FGF10: variants seen among roughly 807,000 people sequenced by gnomAD.
FGF10 encodes fibroblast growth factor 10.
FGF10 carries 2 observed loss-of-function variants against 19.8 expected under a neutral mutation model. The observed-to-expected ratio is 0.10, with a 90% CI of 0.04 to 0.32. The LOEUF (loss-of-function observed/expected upper bound fraction) is 0.32. Ranked by LOEUF, FGF10 falls within the 10% of genes least tolerant of loss-of-function variation. FGF10 has a pLI of 1.00. For missense variants in FGF10, 191 were observed against 246.3 expected (o/e 0.78, Z 1.50); for synonymous variants, 112 against 94.0 (o/e 1.19, Z -1.10).
At chr5:44,341,026 G>T (rs758129209) in intron 1 of FGF10, among the ~76,000 whole-genome samples, 15 of 151,830 alleles carry the variant, frequency 9.9e-5, no homozygotes, top group Non-Finnish European at 2.9e-5. Context: ...TTTAATATGA[G>T]AAAAATATAT....
At chr5:44,349,459 T>TCAGA (rs1174222609) in intron 1 of FGF10, among the ~76,000 whole-genome samples, 1 of 31,726 alleles carries the variant, frequency 3.2e-5, no homozygotes, top group African/African-American at 1.1e-4. Context: ...TATATATATA[T>TCAGA]ATATATATAT....
intron 1 of FGF10, among the ~76,000 whole-genome samples, chr5:44,332,595 A>C (rs1740760326): frequency 6.6e-6 from 1 of 152,140 alleles, no homozygotes; most frequent in African/African-American, 2.4e-5. Flanking sequence ...TCTTCCCTAG[A>C]GTAGTTAACA....
chr5:44,368,884 T>C (rs1411168371), intron 1 of FGF10, among the ~76,000 whole-genome samples: 2 of 152,096 alleles, frequency 1.3e-5, no homozygotes, highest in Admixed American at 1.3e-4. Flanking sequence ...TCCAGACTGA[T>C]CTCAAATTCC....
chr5:44,343,903 T>C (rs1445669427), intron 1 of FGF10, among the ~76,000 whole-genome samples: 3 of 151,946 alleles, frequency 2.0e-5, no homozygotes, highest in Non-Finnish European at 2.9e-5. Context: ...ATTAAGGAAA[T>C]AATAGGATAG....
At chr5:44,340,896 G>T (rs1740955715) in intron 1 of FGF10, among the ~76,000 whole-genome samples, 1 of 150,196 alleles carries the variant, frequency 6.7e-6, no homozygotes, top group South Asian at 2.1e-4. Context: ...GAAGGGGAGA[G>T]ACAAAACAAA....
At chr5:44,354,977 A>G (rs1342665910) in intron 1 of FGF10, among the ~76,000 whole-genome samples, 1 of 151,506 alleles carries the variant, frequency 6.6e-6, no homozygotes, top group African/African-American at 2.4e-5. Flanking sequence ...TCATCAGGCT[A>G]TCTAGCTAGA....
In FGF10 at chr5:44,302,526, ATTTGT is replaced by A. The variant is rs754795189; in HGVS notation, c.*2464_*2468del. ...GGTATATGCCACCACGCATGGCTAC[ATTTGT>A]TTTGTTTTGTTTTGTTTAAGAGAAG... On this transcript the variant is annotated 3_prime_UTR_variant, in exon 3 of 3. Coordinates refer to ENST00000264664, the MANE Select transcript of FGF10 (RefSeq NM_004465.2). Among the ~76,000 whole-genome samples the A allele has an allele frequency of 6.6e-6, 1 of 151,666 alleles. No homozygotes were observed. The highest frequency in any genetic ancestry group is 2.4e-5 in the African/African-American group (1 of 41,288).
In FGF10 at chr5:44,326,307, T is replaced by G. The variant is rs924739940; in HGVS notation, c.326-15777A>C. 2.0e-5 allele frequency among the ~76,000 whole-genome samples: 3 copies of G among 152,318 alleles called. No individual in the cohort carries two copies. In the South Asian group the frequency reaches 6.2e-4, roughly 32 times the overall value. ...CAGATTTCAAACTCTTTCAACATTCTGATCTCTGATCATGTAGTACAATTG... is the reference window on the plus strand; with the variant it reads ...CAGATTTCAAACTCTTTCAACATTCGGATCTCTGATCATGTAGTACAATTG... On this transcript the variant is annotated intron_variant, in intron 1 of 2. Transcript: ENST00000264664.
chr5:44,307,546 T>G (rs943070946), intron 2 of FGF10, among the ~76,000 whole-genome samples: 2 of 152,160 alleles, frequency 1.3e-5, no homozygotes, highest in African/African-American at 4.8e-5. Context: ...AGGTATACAG[T>G]TTCCAAAAAG....
Position 44,376,659 on chromosome 5 carries a change from A to G in FGF10, c.325+11699T>C, listed in dbSNP as rs577710997. ...TTCCAAGTATTTTAAATTGTAAAAT[A>G]ATGATCATTTGGCAAATCAGAAATA... On this transcript the variant is annotated intron_variant, in intron 1 of 2. Transcript: ENST00000264664. Among the ~76,000 whole-genome samples, 6 of 152,076 alleles carry G rather than the reference A, an allele frequency of 3.9e-5. No individual in the cohort carries two copies. The South Asian group carries it at 1.0e-3, about 26-fold the overall frequency.
rs1243342572 is a variant in FGF10, at chr5:44,308,453, ATG to A, written c.429+1972_429+1973del. Among the ~76,000 whole-genome samples the A allele has an allele frequency of 2.0e-5, 3 of 152,210 alleles. No homozygotes were observed. In the East Asian group the frequency reaches 5.8e-4, roughly 29 times the overall value. ...TTAGGACGTTGGGTCTAGACTAAGTATGTGTGTTGTTATCTCTTCAAAGAATA... is the reference window on the plus strand; with the variant it reads ...TTAGGACGTTGGGTCTAGACTAAGTATGTGTTGTTATCTCTTCAAAGAATA... On this transcript the variant is annotated intron_variant, in intron 2 of 2. Transcript: ENST00000264664.
chr5:44,308,552 A>ATTTT lies in FGF10; in HGVS notation c.429+1874_429+1875insAAAA, dbSNP rs1302371324. 1.3e-4 allele frequency among the ~76,000 whole-genome samples: 20 copies of ATTTT among 152,230 alleles called. 2 individuals carry two copies. The East Asian group carries it at 3.7e-3, about 28-fold the overall frequency. On this transcript the variant is annotated intron_variant, in intron 2 of 2. Coordinates refer to ENST00000264664, the MANE Select transcript of FGF10 (RefSeq NM_004465.2). ...AAGAACCTGGACATGTTTAATGAAA[A>ATTTT]CATTAAACATGCCTCAAAAGAGATT...
At chr5:44,321,524 A>T (rs1385525812) in intron 1 of FGF10, among the ~76,000 whole-genome samples, 1 of 152,218 alleles carries the variant, frequency 6.6e-6, no homozygotes, top group Non-Finnish European at 1.5e-5. Flanking sequence ...GCATAGACAG[A>T]GTAGCTGCCG....
intron 1 of FGF10, among the ~76,000 whole-genome samples, chr5:44,339,476 A>G (rs572011966): frequency 3.3e-5 from 5 of 152,302 alleles, no homozygotes; most frequent in Admixed American, 6.5e-5. Context: ...TGGGGATAAG[A>G]GCTTTCTTTA....
chr5:44,352,583 T>C (rs1300205642), intron 1 of FGF10, among the ~76,000 whole-genome samples: 1 of 151,634 alleles, frequency 6.6e-6, no homozygotes, highest in African/African-American at 2.4e-5. Flanking sequence ...CTAGTTTAGA[T>C]TGGCAGGAGT....
At chr5:44,312,367 G>T (rs901384938) in intron 1 of FGF10, among the ~76,000 whole-genome samples, 53 of 152,046 alleles carry the variant, frequency 3.5e-4, no homozygotes, top group African/African-American at 1.2e-3. Context: ...GGTGATAAAG[G>T]TCGGTAATAA....
At chr5:44,353,324 G>C (rs1741276530) in intron 1 of FGF10, among the ~76,000 whole-genome samples, 1 of 151,494 alleles carries the variant, frequency 6.6e-6, no homozygotes, top group South Asian at 2.1e-4. Context: ...TTGTTTTTTT[G>C]TTGAGAACTA....
chr5:44,316,176 A>C (rs1740344961), intron 1 of FGF10, among the ~76,000 whole-genome samples: 2 of 152,106 alleles, frequency 1.3e-5, no homozygotes, highest in Non-Finnish European at 2.9e-5. Flanking sequence ...TGAGAATCTA[A>C]CTAATACCTG....
At chr5:44,349,815 A>G (rs892320106) in intron 1 of FGF10, among the ~76,000 whole-genome samples, 4 of 151,208 alleles carry the variant, frequency 2.6e-5, no homozygotes, top group African/African-American at 9.7e-5. Flanking sequence ...TAGTCTTTGG[A>G]TTCCTACAGA....
Sources: gnomAD v4.1 joint callset for allele counts (sites outside exome capture counted in the v4.1 genomes callset) on GRCh38, gnomAD v4.1.1 for gene constraint, MANE v1.5 for transcripts, NCBI Gene and HGNC (gene_info 2026-07-23, HGNC 2026-07-21) for gene names.